OXNAD1: variants seen among roughly 807,000 people sequenced by gnomAD.
The protein encoded by OXNAD1 is oxidoreductase NAD-binding domain-containing protein 1.
A neutral mutation model predicts 32.9 loss-of-function variants in OXNAD1; 34 were observed. The observed-to-expected ratio is 1.03, with a 90% CI of 0.79 to 1.38. The LOEUF is 1.38. OXNAD1 is among the 40% of genes most tolerant of loss of function. The pLI is 0.00. For synonymous variants in OXNAD1, 134 were observed against 135.2 expected (o/e 0.99, Z 0.06); for missense variants, 407 against 379.4 (o/e 1.07, Z -0.60).
At position 16,301,726 on chromosome 3, in the gene OXNAD1, G is replaced by A. The variant is rs559483850; in HGVS notation, c.533G>A (p.Gly178Glu). ...ASRNLVLIAG[G>E]VGINPLLSIL... Reference sequence around the variant, plus strand: ...AGAAACCTCGTGTTGATTGCAGGAGGAGTCGGAATTAACCCTCTGCTTTCC... The same window carrying A: ...AGAAACCTCGTGTTGATTGCAGGAGAAGTCGGAATTAACCCTCTGCTTTCC... Residue 178 changes from glycine to glutamate, a missense_variant, in exon 7 of 9, where the codon GGA becomes GAA. Coordinates refer to ENST00000285083, the MANE Select transcript of OXNAD1 (RefSeq NM_138381.5). This position sits in a 1 kb window ranked among gnomAD's most constrained non-coding sequence, Gnocchi z 4.1. 4.3e-6 allele frequency: 7 copies of A among 1,614,014 alleles called. No individual in the cohort carries two copies. In the East Asian group the frequency reaches 8.9e-5, roughly 21 times the overall value.
chr3:16,279,077 G>T (rs1395580312), intron 4 of OXNAD1, among the ~76,000 whole-genome samples: 3 of 152,208 alleles, frequency 2.0e-5, no homozygotes, highest in Non-Finnish European at 4.4e-5. Context: ...ACTTGCTTTG[G>T]TTATTAGAGC....
chr3:16,271,846 T>A lies in OXNAD1; in HGVS notation c.183+124T>A. 1.2e-6 allele frequency: 1 copy of A among 837,790 alleles called. No homozygotes were observed. Among genetic ancestry groups the A allele is most frequent in the Non-Finnish European group, 1.8e-6 (1 of 544,354 alleles). The allele number at this position is 837,790 out of a possible 1,614,324, so 51.9% of individuals were successfully genotyped here. A position where few individuals can be genotyped will look rare whatever the true frequency, so the allele number is the denominator to read the frequency against. ...TGAAGGAGAGTTGGGAAGTTTGTTA[T>A]TTTTCTATTTAGAAATTTTCTGAGC... On this transcript the variant is annotated intron_variant, in intron 4 of 8. Coordinates refer to ENST00000285083, the MANE Select transcript of OXNAD1 (RefSeq NM_138381.5). This position sits in a 1 kb window ranked among gnomAD's most constrained non-coding sequence, Gnocchi z 4.6.
chr3:16,292,218 GTC>G (rs2066479741), intron 5 of OXNAD1, among the ~76,000 whole-genome samples: 1 of 141,974 alleles, frequency 7.0e-6, no homozygotes, highest in Admixed American at 7.2e-5. Context: ...TTGAAATGGA[GTC>G]TCACTCTGTC....
At chr3:16,269,853 C>T (rs976130972) in intron 2 of OXNAD1, among the ~76,000 whole-genome samples, 1 of 152,156 alleles carries the variant, frequency 6.6e-6, no homozygotes, top group Non-Finnish European at 1.5e-5. Context: ...TTCATTTATT[C>T]TCAAGGTAAC....
In OXNAD1 at chr3:16,316,713, C is replaced by G; in HGVS notation, c.*30+13121C>G. On this transcript the variant is annotated intron_variant, in intron 9 of 9. Coordinates refer to the OXNAD1 transcript ENST00000435829. The surrounding 1 kb of genome is among the most constrained non-coding windows in gnomAD (Gnocchi z 4.5). ...GGTGAGCTCACAAGGAGAGGTCAAG[C>G]CAAGCCAAAGGGTAGGTAACACACA... 2.3e-6 allele frequency: 3 copies of G among 1,322,442 alleles called. No homozygotes were observed. The highest frequency in any genetic ancestry group is 2.5e-5 in the South Asian group (2 of 80,408). 81.9% of individuals were successfully genotyped at this position (1,322,442 alleles called of 1,614,324 possible). A position where few individuals can be genotyped will look rare whatever the true frequency, so the allele number is the denominator to read the frequency against.
In OXNAD1 at chr3:16,346,753, T is replaced by C. The variant is rs1467629240; in HGVS notation, c.*31-2423T>C. On this transcript the variant is annotated intron_variant, in intron 9 of 9. Transcript: ENST00000606098. The surrounding 1 kb of genome is among the most constrained non-coding windows in gnomAD (Gnocchi z 4.4). ...GTGTGGCAGGAAAAAACTGCCCCGT[T>C]CTTCACGGTTGTCATCACATTTGCA... 6.6e-6 allele frequency among the ~76,000 whole-genome samples: 1 copy of C among 152,206 alleles called. No individual in the cohort carries two copies. Among genetic ancestry groups the C allele is most frequent in the Non-Finnish European group, 1.5e-5 (1 of 68,028 alleles).
At position 16,301,816 on chromosome 3, in the gene OXNAD1, G is replaced by A. The variant is rs2067206819; in HGVS notation, c.623G>A (p.Gly208Glu). The A allele has an allele frequency of 6.2e-7, 1 of 1,614,056 alleles. No individual in the cohort carries two copies. Among genetic ancestry groups the A allele is most frequent in the Admixed American group, 1.7e-5 (1 of 60,000 alleles). The change falls in exon 7 of 9, where the codon GGA becomes GAA. Residue 208 changes from glycine to glutamate, a missense_variant. By Grantham distance (98) the Gly-to-Glu change is moderately conservative. Coordinates refer to ENST00000285083, the MANE Select transcript of OXNAD1 (RefSeq NM_138381.5). The surrounding 1 kb of genome is among the most constrained non-coding windows in gnomAD (Gnocchi z 4.1). ...QANKRNGYEI[G>E]TIKLFYSAKN... is the part of the protein sequence containing the mutation. ...AACAAAAGAAATGGATATGAGATAG[G>A]AACAATAAAACTATTCTACAGTGCA...
chr3:16,291,468 A>T (rs1575113826), intron 5 of OXNAD1, among the ~76,000 whole-genome samples: 1 of 152,264 alleles, frequency 6.6e-6, no homozygotes, highest in East Asian at 1.9e-4. Flanking sequence ...GTCTCTATGG[A>T]TTTGTCTCTT....
In OXNAD1 at chr3:16,335,593, T is replaced by C. The variant is rs1257976229; in HGVS notation, c.*31-1519T>C. Reference sequence around the variant, plus strand: ...ACACATGTGAAAACACATGGACACATGGTGGGGAGCAACACACACTGGGAC... The same window carrying C: ...ACACATGTGAAAACACATGGACACACGGTGGGGAGCAACACACACTGGGAC... On this transcript the variant is annotated intron_variant, in intron 9 of 9. Coordinates refer to the OXNAD1 transcript ENST00000435829. The surrounding 1 kb of genome is among the most constrained non-coding windows in gnomAD (Gnocchi z 4.7). Among the ~76,000 whole-genome samples the C allele has an allele frequency of 6.6e-6, 1 of 151,722 alleles. No individual in the cohort carries two copies. The highest frequency in any genetic ancestry group is 1.5e-5 in the Non-Finnish European group (1 of 67,942).
chr3:16,339,159 T>C (rs1441517869), downstream of OXNAD1: 2 of 152,276 alleles, frequency 1.3e-5, no homozygotes, highest in Admixed American at 6.5e-5. Context: ...CCTAACTTTC[T>C]CTGCCTGGTA....
rs2066071253 is a variant in OXNAD1, at chr3:16,286,355, C to G, written c.197C>G (p.Ala66Gly). Residue 66 changes from alanine to glycine, a missense_variant, in exon 5 of 9, where the codon GCT becomes GGT. By Grantham distance (60) the Ala-to-Gly change is moderately conservative. Transcript: ENST00000285083. The stretch of plus-strand genomic sequence containing the variant: ...TTTTGGTTTTAGATTGTGTCAGCAG[C>G]TAAGGTGTGTGGAGCTGCCAGTGAG... ...SVLRREIVSA[A>G]KVCGAASESP... The G allele has an allele frequency of 3.1e-6, 5 of 1,613,548 alleles. No homozygotes were observed. Among genetic ancestry groups the G allele is most frequent in the Non-Finnish European group, 2.5e-6 (3 of 1,179,534 alleles).
At position 16,289,928 on chromosome 3, in the gene OXNAD1, A is replaced by C. The variant is rs1224478022; in HGVS notation, c.290+3480A>C. 1.3e-5 allele frequency among the ~76,000 whole-genome samples: 2 copies of C among 152,220 alleles called. No homozygotes were observed. Among genetic ancestry groups the C allele is most frequent in the Admixed American group, 6.5e-5 (1 of 15,268 alleles). On this transcript the variant is annotated intron_variant, in intron 5 of 8. Coordinates refer to ENST00000285083, the MANE Select transcript of OXNAD1 (RefSeq NM_138381.5). This position sits in a 1 kb window ranked among gnomAD's most constrained non-coding sequence, Gnocchi z 4.9. ...TCATTGAGGGCAGCAACTAAGACAT[A>C]TGTGCATCTTTGTACCTCCAGCAAG...
Position 16,298,493 on chromosome 3 carries a change from G to C in OXNAD1, c.433-3133G>C, listed in dbSNP as rs150875610. The stretch of plus-strand genomic sequence containing the variant: ...TATTGCCTGAATGCACATCCTAATT[G>C]TAGTGCCTGCTCTACTCTGCCCAGT... On this transcript the variant is annotated intron_variant, in intron 6 of 8. Coordinates refer to ENST00000285083, the MANE Select transcript of OXNAD1 (RefSeq NM_138381.5). This position sits in a 1 kb window ranked among gnomAD's most constrained non-coding sequence, Gnocchi z 5.1. Among the ~76,000 whole-genome samples the C allele has an allele frequency of 2.9e-3, 448 of 152,228 alleles. 4 individuals are homozygous for C. The highest frequency in any genetic ancestry group is 0.011 in the African/African-American group (438 of 41,536).
In OXNAD1 at chr3:16,320,622, G is replaced by T. The variant is rs478483; in HGVS notation, c.*31-16490G>T. Among the ~76,000 whole-genome samples the T allele has an allele frequency of 0.55, 83,516 of 152,104 alleles. 23,318 individuals carry two copies. The highest frequency in any genetic ancestry group is 0.65 in the African/African-American group (27,001 of 41,478). ...GGAGAAGAACGTGGTTCTTTTCCAG[G>T]GTAGTACAAAGGAGTCTGGTTTGGT... is the stretch of plus-strand genomic sequence containing the variant. On this transcript the variant is annotated intron_variant, in intron 9 of 9. Coordinates refer to the OXNAD1 transcript ENST00000435829. This position sits in a 1 kb window ranked among gnomAD's most constrained non-coding sequence, Gnocchi z 4.5.
intron 4 of OXNAD1, among the ~76,000 whole-genome samples, chr3:16,273,965 C>T (rs842290): frequency 0.32 from 48,875 of 151,752 alleles, 8,770 homozygotes; most frequent in Non-Finnish European, 0.39. Flanking sequence ...TAATTTCTTG[C>T]TTATTAATTT....
At chr3:16,306,499 T>C (rs1489754589), downstream of OXNAD1, among the ~76,000 whole-genome samples, 1 of 152,252 alleles carries the variant, frequency 6.6e-6, no homozygotes. Context: ...CTGTGTTGTT[T>C]CCTCATGGCC....
In OXNAD1 at chr3:16,327,878, T is replaced by C. The variant is rs2069887630; in HGVS notation, c.*31-9234T>C. 6.6e-6 allele frequency among the ~76,000 whole-genome samples: 1 copy of C among 152,180 alleles called. No individual in the cohort carries two copies. Among genetic ancestry groups the C allele is most frequent in the Admixed American group, 6.5e-5 (1 of 15,286 alleles). ...GCAGGCGTTCTCACTGCAACAGGCC[T>C]CATTTCTTACTACGGGTTCCTCACT... On this transcript the variant is annotated intron_variant, in intron 9 of 9. Transcript: ENST00000435829. The surrounding 1 kb of genome is among the most constrained non-coding windows in gnomAD (Gnocchi z 4.2).
rs774905564 is a variant in OXNAD1, at chr3:16,271,004, G to A, written c.52G>A (p.Ala18Thr). The stretch of plus-strand genomic sequence containing the variant: ...TGGGTTGTTGCGGTGCTCTGTTGGA[G>A]CCATCCGTATTGAGGCTGCGTCACT... ...IPGLLRCSVG[A>T]IRIEAASLRL... Residue 18 changes from alanine (A) to threonine (T), a missense_variant, in exon 3 of 9, where the codon GCC (alanine) becomes ACC (threonine). Ala to Thr is a moderately conservative substitution (Grantham distance 58). Coordinates refer to ENST00000285083, the MANE Select transcript of OXNAD1 (RefSeq NM_138381.5). The surrounding 1 kb of genome is among the most constrained non-coding windows in gnomAD (Gnocchi z 4.6). The A allele has an allele frequency of 3.1e-6, 5 of 1,614,198 alleles. No homozygotes were observed. Among genetic ancestry groups the A allele is most frequent in the Non-Finnish European group, 4.2e-6 (5 of 1,180,024 alleles).
chr3:16,269,584 A>G (rs544958103), intron 2 of OXNAD1, among the ~76,000 whole-genome samples: 1 of 152,252 alleles, frequency 6.6e-6, no homozygotes, highest in South Asian at 2.1e-4. Context: ...ATTTTTATTT[A>G]TTTTCTGTCT....
Sources: gnomAD v4.1 joint callset for allele counts (sites outside exome capture counted in the v4.1 genomes callset) on GRCh38, gnomAD v4.1.1 for gene constraint, Gnocchi (gnomAD v3.1) non-coding constraint, MANE v1.5 for transcripts, NCBI Gene and HGNC (gene_info 2026-07-23, HGNC 2026-07-21) for gene names.